The following NFIB variants were observed in gnomAD, a reference collection of about 807,000 sequenced individuals.
NFIB encodes the protein nuclear factor 1 B-type.
A neutral mutation model predicts 61.5 loss-of-function variants in NFIB; 11 were observed. The observed-to-expected ratio is 0.18, with a 90% confidence interval of 0.11 to 0.30. NFIB has a LOEUF of 0.30. Among genes scored for constraint, NFIB ranks in the 10% least tolerant of loss-of-function variants. The pLI, the probability that NFIB is intolerant of heterozygous loss-of-function variation, is 1.00. For synonymous variants in NFIB, 260 were observed against 216.5 expected (o/e 1.20, Z -1.76); for missense variants, 471 against 608.9 (o/e 0.77, Z 2.38).
rs958349734 is a variant in NFIB, at chr9:14,082,470, T to C, written c.*5839A>G. ...ATGATATAAGCACAAATTAACAGCTTGATGAAGACATAATCTACTGCAGCT... is the reference window on the plus strand; with the variant it reads ...ATGATATAAGCACAAATTAACAGCTCGATGAAGACATAATCTACTGCAGCT... On this transcript the variant is annotated 3_prime_UTR_variant, in exon 11 of 11. Coordinates refer to ENST00000380953, the MANE Select transcript of NFIB (RefSeq NM_001190737.2). 4.9e-6 allele frequency: 1 copy of C among 204,722 alleles called. No homozygotes were observed. Among genetic ancestry groups the C allele is most frequent in the Non-Finnish European group, 1.0e-5 (1 of 99,784 alleles). 12.7% of individuals were successfully genotyped at this position (204,722 alleles called of 1,614,324 possible).
intron 2 of NFIB, among the ~76,000 whole-genome samples, chr9:14,235,889 G>C (rs1228402046): frequency 6.6e-6 from 1 of 151,982 alleles, no homozygotes; most frequent in Non-Finnish European, 1.5e-5. Flanking sequence ...TTACCCACTG[G>C]GTTTTTAACA....
the NFIB span, among the ~76,000 whole-genome samples, chr9:14,440,308 T>G: frequency 1.3e-5 from 2 of 152,208 alleles, no homozygotes; most frequent in Non-Finnish European, 2.9e-5. Context: ...TTGGCCTGGG[T>G]GTGATCCAGA....
At chr9:14,353,088 C>T (rs1453348130) in intron 1 of NFIB, among the ~76,000 whole-genome samples, 1 of 152,016 alleles carries the variant, frequency 6.6e-6, no homozygotes, top group African/African-American at 2.4e-5. Flanking sequence ...TGGGGTGCAC[C>T]ATGGGTTGGT....
At chr9:14,165,563 A>C (rs2044693119) in intron 3 of NFIB, among the ~76,000 whole-genome samples, 1 of 152,204 alleles carries the variant, frequency 6.6e-6, no homozygotes, top group Non-Finnish European at 1.5e-5. Flanking sequence ...CTTGACACCA[A>C]GAGGCAGGCT....
chr9:14,322,154 A>G, intron 1 of NFIB: 2 of 1,204,038 alleles, frequency 1.7e-6, no homozygotes, highest in Non-Finnish European at 2.1e-6. Flanking sequence ...CTGCACTGCC[A>G]CAGTTCTTGG....
intron 1 of NFIB, among the ~76,000 whole-genome samples, chr9:14,363,316 T>G (rs762650117): frequency 7.2e-5 from 11 of 152,184 alleles, no homozygotes; most frequent in Non-Finnish European, 1.0e-4. Flanking sequence ...AAAAACTGGC[T>G]ACAGTTTTCA....
rs970883307 is a variant in NFIB, at chr9:14,165,389, A to T, written c.617-9496T>A. Among the ~76,000 whole-genome samples, 12 of 152,208 alleles carry T rather than the reference A, an allele frequency of 7.9e-5. No homozygotes were observed. In the East Asian group the frequency reaches 2.3e-3, roughly 29 times the overall value. ...GCACACAAGTAAATGTGACTTCAAGATGCCTAAATAAAATATGAAATTGAA... is the reference window on the plus strand; with the variant it reads ...GCACACAAGTAAATGTGACTTCAAGTTGCCTAAATAAAATATGAAATTGAA... On this transcript the variant is annotated intron_variant, in intron 3 of 10. Coordinates refer to ENST00000380953, the MANE Select transcript of NFIB (RefSeq NM_001190737.2).
chr9:14,494,306 T>G, the NFIB span, among the ~76,000 whole-genome samples: 3 of 152,246 alleles, frequency 2.0e-5, no homozygotes, highest in Non-Finnish European at 4.4e-5. Context: ...AAGTTACTAT[T>G]ATGAAACTTT....
chr9:14,311,583 T>C (rs1198396144), intron 1 of NFIB, among the ~76,000 whole-genome samples: 2 of 152,180 alleles, frequency 1.3e-5, no homozygotes, highest in Non-Finnish European at 2.9e-5. Context: ...AATACTAATG[T>C]GATAGCTGAA....
chr9:14,370,705 A>G (rs2061348468), intron 1 of NFIB, among the ~76,000 whole-genome samples: 1 of 152,226 alleles, frequency 6.6e-6, no homozygotes, highest in South Asian at 2.1e-4. Context: ...GTTCCTTCAG[A>G]CTTGGAGACT....
chr9:14,214,897 T>G lies in NFIB; in HGVS notation c.563-35117A>C, dbSNP rs1243061712. Among the ~76,000 whole-genome samples the G allele has an allele frequency of 2.6e-5, 4 of 152,362 alleles. No homozygotes were observed. In the East Asian group the frequency reaches 7.7e-4, roughly 29 times the overall value. The stretch of plus-strand genomic sequence containing the variant: ...TATACAATTGGAATTTAAAGAGATC[T>G]GACTTCATAAAGTACGTGTATACAC... On this transcript the variant is annotated intron_variant, in intron 2 of 10. Transcript: ENST00000380953.
intron 2 of NFIB, among the ~76,000 whole-genome samples, chr9:14,266,444 A>T (rs996042494): frequency 2.6e-5 from 4 of 152,032 alleles, no homozygotes; most frequent in Non-Finnish European, 5.9e-5. Flanking sequence ...AAAAATTTTT[A>T]AATAGCAGGG....
chr9:14,386,105 G>A (rs529060365), intron 1 of NFIB, among the ~76,000 whole-genome samples: 4 of 152,274 alleles, frequency 2.6e-5, no homozygotes, highest in East Asian at 3.9e-4. Context: ...TTTGATAAAT[G>A]TGCTGAATCA....
chr9:14,295,498 A>G lies in NFIB; in HGVS notation c.562+11491T>C, dbSNP rs541718817. 1.0e-3 allele frequency among the ~76,000 whole-genome samples: 152 copies of G among 150,604 alleles called. 1 individual carries two copies. The East Asian group carries it at 0.014, about 14-fold the overall frequency. Reference sequence around the variant, plus strand: ...AAAAAAAACTCAGCCGGGCGTGGGGAAGGGCGCCTGTAGTCCCAGCTACTC... The same window carrying G: ...AAAAAAAACTCAGCCGGGCGTGGGGGAGGGCGCCTGTAGTCCCAGCTACTC... On this transcript the variant is annotated intron_variant, in intron 2 of 10. Transcript: ENST00000380953.
At chr9:14,175,516 T>A (rs1274170547) in intron 3 of NFIB, among the ~76,000 whole-genome samples, 1 of 152,160 alleles carries the variant, frequency 6.6e-6, no homozygotes, top group African/African-American at 2.4e-5. Flanking sequence ...AGCACATAGC[T>A]ATCATTAATA....
the NFIB span, among the ~76,000 whole-genome samples, chr9:14,511,997 A>G: frequency 6.6e-6 from 1 of 152,226 alleles, no homozygotes; most frequent in Non-Finnish European, 1.5e-5. Context: ...TTATTTAGGT[A>G]TAAAGAACAG....
chr9:14,288,994 T>C (rs1057183687), intron 2 of NFIB, among the ~76,000 whole-genome samples: 3 of 151,578 alleles, frequency 2.0e-5, no homozygotes, highest in African/African-American at 7.3e-5. Flanking sequence ...CGGAATCATA[T>C]TAAACACATA....
chr9:14,523,501 C>T, the NFIB span, among the ~76,000 whole-genome samples: 3 of 151,998 alleles, frequency 2.0e-5, no homozygotes, highest in African/African-American at 7.3e-5. Flanking sequence ...AATGCCAGCC[C>T]ATGCCAGAGA....
intron 2 of NFIB, among the ~76,000 whole-genome samples, chr9:14,250,779 T>C (rs2055514806): frequency 6.6e-6 from 1 of 152,226 alleles, no homozygotes; most frequent in Non-Finnish European, 1.5e-5. Context: ...GGAATAAAAG[T>C]TACTAAGGTA....
Sources: allele counts gnomAD v4.1 joint callset (sites outside exome capture counted in the v4.1 genomes callset), GRCh38; gene constraint gnomAD v4.1.1; transcripts MANE v1.5; gene names NCBI Gene and HGNC (gene_info 2026-07-23, HGNC 2026-07-21).